Variants in PLEKHM3 observed in about 807,000 individuals in gnomAD.
PLEKHM3 encodes pleckstrin homology domain containing M3, also known as pleckstrin homology domain-containing family M member 3.
PLEKHM3 carries 45 observed loss-of-function variants against 81.8 expected under a neutral mutation model. The observed-to-expected ratio is 0.55, with a 90% CI of 0.43 to 0.71. The LOEUF (loss-of-function observed/expected upper bound fraction) is 0.71, where lower values mean the gene tolerates loss of function less well. Ranked by LOEUF, PLEKHM3 falls within the 30% of genes least tolerant of loss-of-function variation. The probability of loss-of-function intolerance (pLI) is 0.00; values close to 1 mark genes in which losing one functional copy is unlikely to be tolerated. For missense variants in PLEKHM3, 788 were observed against 924.3 expected, an observed-to-expected ratio of 0.85 and a Z score of 1.91; for synonymous variants, 352 against 356.4, an observed-to-expected ratio of 0.99 and a Z score of 0.14.
chr2:207,891,040 T>C (rs1210339255), intron 6 of PLEKHM3, among the ~76,000 whole-genome samples: 2 of 152,162 alleles, frequency 1.3e-5, no homozygotes, highest in African/African-American at 2.4e-5. Context: ...GATGGAAAAA[T>C]TGAGGCTACT....
chr2:208,020,707 A>T (rs1218810546), intron 1 of PLEKHM3, among the ~76,000 whole-genome samples: 1 of 152,210 alleles, frequency 6.6e-6, no homozygotes, highest in Non-Finnish European at 1.5e-5. Flanking sequence ...AGAACGCAAG[A>T]AGAAAAAAAA....
chr2:207,915,818 A>G (rs754094732), intron 5 of PLEKHM3, among the ~76,000 whole-genome samples: 2 of 152,244 alleles, frequency 1.3e-5, no homozygotes, highest in Non-Finnish European at 2.9e-5. Context: ...ACTGTCTTCC[A>G]AGAATATGTG....
intron 1 of PLEKHM3, among the ~76,000 whole-genome samples, chr2:208,012,285 C>T (rs962884449): frequency 1.4e-4 from 21 of 152,056 alleles, no homozygotes; most frequent in Admixed American, 8.5e-4. Context: ...GCTCATGATC[C>T]GCCTGCCTGA....
chr2:207,852,270 C>T (rs529759067), intron 7 of PLEKHM3, among the ~76,000 whole-genome samples: 240 of 152,252 alleles, frequency 1.6e-3, no homozygotes, highest in Non-Finnish European at 9.9e-4. Context: ...TCTAGGGCCA[C>T]GTTAATTGCC....
intron 7 of PLEKHM3, among the ~76,000 whole-genome samples, chr2:207,851,046 G>T (rs779697032): frequency 3.3e-5 from 5 of 151,838 alleles, no homozygotes; most frequent in Admixed American, 6.6e-5. Flanking sequence ...CCAGCTACTA[G>T]GGAGGCTGAG....
At chr2:207,911,681 A>G (rs1420908000) in intron 5 of PLEKHM3, among the ~76,000 whole-genome samples, 1 of 152,222 alleles carries the variant, frequency 6.6e-6, no homozygotes, top group Non-Finnish European at 1.5e-5. Flanking sequence ...GTAAATGCTT[A>G]ATAATGAAAT....
At chr2:207,856,800 T>C (rs1379375894) in intron 7 of PLEKHM3, among the ~76,000 whole-genome samples, 1 of 152,224 alleles carries the variant, frequency 6.6e-6, no homozygotes, top group Admixed American at 6.5e-5. Flanking sequence ...GGATATGTTA[T>C]CAACTTGTGT....
At chr2:207,926,287 T>G (rs1689391565) in intron 5 of PLEKHM3, among the ~76,000 whole-genome samples, 2 of 152,180 alleles carry the variant, frequency 1.3e-5, no homozygotes, top group South Asian at 4.1e-4. Context: ...AAACTCCTGA[T>G]TTTTTTAAAG....
At chr2:207,877,070 C>A (rs1191690698) in intron 6 of PLEKHM3, among the ~76,000 whole-genome samples, 1 of 152,150 alleles carries the variant, frequency 6.6e-6, no homozygotes, top group Non-Finnish European at 1.5e-5. Flanking sequence ...TACTGACCGA[C>A]CTGCCTTAGA....
intron 6 of PLEKHM3, among the ~76,000 whole-genome samples, chr2:207,893,863 C>G (rs1214118661): frequency 6.6e-6 from 1 of 152,116 alleles, no homozygotes; most frequent in East Asian, 1.9e-4. Context: ...CACCTGTAAT[C>G]CCAGCACTTT....
chr2:207,877,089 G>A (rs964118454), intron 6 of PLEKHM3, among the ~76,000 whole-genome samples: 17 of 152,122 alleles, frequency 1.1e-4, no homozygotes, highest in East Asian at 5.8e-4. Flanking sequence ...GACTTGGCCC[G>A]AAGAAGGAAA....
intron 3 of PLEKHM3, among the ~76,000 whole-genome samples, chr2:207,974,099 C>T (rs547416220): frequency 5.3e-5 from 8 of 152,290 alleles, no homozygotes; most frequent in East Asian, 1.9e-4. Context: ...AGCCAAATTT[C>T]GTGAGCACAA....
chr2:208,007,922 G>A (rs1028518967), intron 1 of PLEKHM3, among the ~76,000 whole-genome samples: 9 of 151,998 alleles, frequency 5.9e-5, no homozygotes, highest in South Asian at 2.1e-4. Context: ...GCATGGTGGC[G>A]GGTACCTGTA....
chr2:208,007,763 A>G (rs1692544026), intron 1 of PLEKHM3, among the ~76,000 whole-genome samples: 1 of 152,150 alleles, frequency 6.6e-6, no homozygotes, highest in African/African-American at 2.4e-5. Flanking sequence ...ACAAACAAAA[A>G]ATTAAAAATA....
At chr2:207,865,797 AAAAAAGAT>A (rs2092493965) in intron 6 of PLEKHM3, among the ~76,000 whole-genome samples, 9 of 38,110 alleles carry the variant, frequency 2.4e-4, no homozygotes, top group African/African-American at 1.1e-3. Flanking sequence ...AAAAAAAAAA[AAAAAAGAT>A]ATATATATAT....
intron 6 of PLEKHM3, among the ~76,000 whole-genome samples, chr2:207,883,785 CA>C (rs1414573995): frequency 6.6e-6 from 1 of 152,038 alleles, no homozygotes; most frequent in Non-Finnish European, 1.5e-5. Context: ...GAAAAATATA[CA>C]AATACCCTCA....
At chr2:208,023,176 G>A (rs967699655) in intron 1 of PLEKHM3, among the ~76,000 whole-genome samples, 2 of 149,702 alleles carry the variant, frequency 1.3e-5, no homozygotes, top group Non-Finnish European at 3.0e-5. Flanking sequence ...ACATGGTCTT[G>A]CTCTGTTGCC....
In PLEKHM3 at chr2:207,927,037, T is replaced by C. The variant is rs764821229; in HGVS notation, c.1886+3889A>G. 7.2e-5 allele frequency among the ~76,000 whole-genome samples: 11 copies of C among 152,178 alleles called. No individual in the cohort carries two copies. In the East Asian group the frequency reaches 9.6e-4, roughly 13 times the overall value. ...TGCTGGAGATTAATGGCCACTCTCATATTGAGGTAAAAACCAGGCAGGAAG... is the reference window on the plus strand; with the variant it reads ...TGCTGGAGATTAATGGCCACTCTCACATTGAGGTAAAAACCAGGCAGGAAG... On this transcript the variant is annotated intron_variant, in intron 5 of 7. Coordinates refer to ENST00000427836, the MANE Select transcript of PLEKHM3 (RefSeq NM_001080475.3).
intron 6 of PLEKHM3, among the ~76,000 whole-genome samples, chr2:207,904,469 T>G (rs1223930241): frequency 6.6e-6 from 1 of 152,200 alleles, no homozygotes; most frequent in Non-Finnish European, 1.5e-5. Flanking sequence ...TGTAGTCAGA[T>G]AATGACTATA....
Sources: allele counts gnomAD v4.1 joint callset (sites outside exome capture counted in the v4.1 genomes callset), GRCh38; gene constraint gnomAD v4.1.1; transcripts MANE v1.5; gene names NCBI Gene and HGNC (gene_info 2026-07-23, HGNC 2026-07-21).